Variants in PCDHA4 observed in about 807,000 individuals in gnomAD.
PCDHA4 encodes protocadherin alpha-4.
A neutral mutation model predicts 61.4 loss-of-function variants in PCDHA4; 49 were observed. The observed-to-expected ratio is 0.80, with a 90% CI of 0.63 to 1.01. The LOEUF (loss-of-function observed/expected upper bound fraction) is 1.01, where lower values mean the gene tolerates loss of function less well. Ranked by LOEUF, PCDHA4 falls within the 50% of genes least tolerant of loss-of-function variation. The pLI is 0.00. For missense variants in PCDHA4, 1,254 were observed against 1,235.8 expected, an observed-to-expected ratio of 1.01 and a Z score of -0.22; for synonymous variants, 590 against 550.3, an observed-to-expected ratio of 1.07 and a Z score of -1.01.
chr5:140,987,789 G>T (rs1356794638), intron 3 of PCDHA4, among the ~76,000 whole-genome samples: 2 of 152,136 alleles, frequency 1.3e-5, no homozygotes, highest in African/African-American at 4.8e-5. Context: ...CTATAGAGAA[G>T]ATTTTTTTAA....
intron 3 of PCDHA4, among the ~76,000 whole-genome samples, chr5:140,993,375 C>T (rs1238667698): frequency 1.3e-5 from 2 of 151,770 alleles, no homozygotes; most frequent in Non-Finnish European, 2.9e-5. Flanking sequence ...ACCTCCCAGC[C>T]GGGTCCCTGA....
At chr5:140,858,451 T>C in intron 1 of PCDHA4, 1 of 1,531,552 alleles carries the variant, frequency 6.5e-7, no homozygotes, top group East Asian at 2.4e-5. Context: ...GTTATTACGT[T>C]TTCATTTTCC....
intron 1 of PCDHA4, chr5:140,866,113 T>C (rs1185424072): frequency 6.6e-6 from 1 of 152,196 alleles, no homozygotes; most frequent in African/African-American, 2.4e-5. Flanking sequence ...AAGAGTTGCC[T>C]TATAAGAACT....
At position 140,858,087 on chromosome 5, in the gene PCDHA4, G is replaced by C. The variant is rs782702941; in HGVS notation, c.2385+48515G>C. ...AGCCAGGCACCCAAGGCCTCGTCGC[G>C]GGCTTCAGTGGGCGTGGCGCCCGAG... On this transcript the variant is annotated intron_variant, in intron 1 of 3. Transcript: ENST00000530339. The C allele has an allele frequency of 3.8e-6, 6 of 1,597,710 alleles. 1 individual carries two copies. Among genetic ancestry groups the C allele is most frequent in the Non-Finnish European group, 5.1e-6 (6 of 1,167,710 alleles).
At chr5:140,851,005 T>C in intron 1 of PCDHA4, 1 of 1,432,862 alleles carries the variant, frequency 7.0e-7, no homozygotes, top group Non-Finnish European at 9.2e-7. Flanking sequence ...ATCCAGCAGA[T>C]TTTTTTTCTG....
intron 1 of PCDHA4, among the ~76,000 whole-genome samples, chr5:140,948,711 C>CT (rs1443735728): frequency 6.8e-6 from 1 of 147,398 alleles, no homozygotes; most frequent in African/African-American, 2.7e-5. Context: ...GTTCTATCCT[C>CT]TTTTTTATCA....
intron 1 of PCDHA4, chr5:140,883,896 C>G (rs199847007): frequency 6.2e-7 from 1 of 1,613,386 alleles, no homozygotes; most frequent in African/African-American, 1.3e-5. Context: ...TCTGGCGTGC[C>G]GCCTCTGGGC....
intron 1 of PCDHA4, among the ~76,000 whole-genome samples, chr5:140,905,031 T>G (rs2071545933): frequency 6.6e-6 from 1 of 152,228 alleles, no homozygotes. Flanking sequence ...GCAGAAGCTT[T>G]TTAGTTTAAT....
At chr5:140,822,549 A>G (rs1554128705) in intron 1 of PCDHA4, 3 of 1,613,866 alleles carry the variant, frequency 1.9e-6, no homozygotes, top group Non-Finnish European at 2.5e-6. Flanking sequence ...CAAGTGGGAC[A>G]TTAGTTATTA....
intron 1 of PCDHA4, among the ~76,000 whole-genome samples, chr5:140,887,165 C>T (rs1451761224): frequency 1.3e-5 from 2 of 151,306 alleles, no homozygotes; most frequent in Non-Finnish European, 2.9e-5. Flanking sequence ...GGCGTGATCT[C>T]GGCTCACTGC....
intron 1 of PCDHA4, chr5:140,927,894 C>A (rs372774238): frequency 1.2e-6 from 2 of 1,614,208 alleles, no homozygotes; most frequent in East Asian, 2.2e-5. Context: ...CTGACGTGAA[C>A]GATCATGCCC....
rs2150128727 is a variant in PCDHA4, at chr5:140,823,745, C to G, written c.2385+14173C>G. On this transcript the variant is annotated intron_variant, in intron 1 of 3. Transcript: ENST00000530339. ...CTGGTGAAGGACCATGGAGAGCCCC[C>G]GCTGACAGCCACAGCCACAGTGCTG... 125 of 1,613,836 alleles carry G rather than the reference C, an allele frequency of 7.7e-5. No homozygotes were observed. In the South Asian group the frequency reaches 1.3e-3, roughly 17 times the overall value.
At chr5:140,828,383 C>A in intron 1 of PCDHA4, 1 of 1,614,256 alleles carries the variant, frequency 6.2e-7, no homozygotes, top group South Asian at 1.1e-5. Context: ...GCTGTGCGGG[C>A]GGAGCGCGGA....
chr5:140,820,224 A>G lies in PCDHA4; in HGVS notation c.2385+10652A>G, dbSNP rs148146018. The stretch of plus-strand genomic sequence containing the variant: ...ACGATCCAAATATTAGTGAAAAGTC[A>G]TGATAATAGAGATAGTAAAAATCTT... On this transcript the variant is annotated intron_variant, in intron 1 of 3. Coordinates refer to ENST00000530339, the MANE Select transcript of PCDHA4 (RefSeq NM_018907.4). 1.9e-3 allele frequency among the ~76,000 whole-genome samples: 290 copies of G among 152,128 alleles called. 1 individual carries two copies. The highest frequency in any genetic ancestry group is 6.5e-3 in the African/African-American group (271 of 41,580).
At chr5:140,923,376 A>T (rs1331786466) in intron 1 of PCDHA4, among the ~76,000 whole-genome samples, 5 of 152,086 alleles carry the variant, frequency 3.3e-5, no homozygotes, top group Non-Finnish European at 7.3e-5. Flanking sequence ...ATATTTTTAA[A>T]AATTAGTTGG....
chr5:140,857,826 T>G, intron 1 of PCDHA4: 1 of 1,597,464 alleles, frequency 6.3e-7, no homozygotes, highest in Non-Finnish European at 8.6e-7. Context: ...GTGGCTAAGG[T>G]GCGCGCAGTG....
intron 1 of PCDHA4, chr5:140,852,646 A>G (rs1554146012): frequency 1.0e-6 from 1 of 958,708 alleles, no homozygotes; most frequent in Admixed American, 6.4e-5. Context: ...CATTAAACCT[A>G]TCTATATCTG....
intron 1 of PCDHA4, chr5:140,824,550 C>G (rs1768160543): frequency 1.1e-5 from 2 of 175,504 alleles, no homozygotes; most frequent in Non-Finnish European, 2.4e-5. Context: ...CTCCTGGGCT[C>G]AAGTGATCCT....
rs781945067 is a variant in PCDHA4, at chr5:140,809,603, T to C, written c.2385+31T>C. ...TGTATAACATCCTTTTGTTTAATTT[T>C]CGTATTGTTTTTCTCTATCAACTTC... On this transcript the variant is annotated intron_variant, in intron 1 of 3. Coordinates refer to ENST00000530339, the MANE Select transcript of PCDHA4 (RefSeq NM_018907.4). The C allele has an allele frequency of 4.1e-5, 63 of 1,528,056 alleles. 1 individual carries two copies. In the Admixed American group the frequency reaches 1.3e-3, roughly 32 times the overall value. 94.7% of individuals were successfully genotyped at this position (1,528,056 alleles called of 1,614,324 possible).
Sources: allele counts gnomAD v4.1 joint callset (sites outside exome capture counted in the v4.1 genomes callset), GRCh38; gene constraint gnomAD v4.1.1; transcripts MANE v1.5; gene names NCBI Gene and HGNC (gene_info 2026-07-23, HGNC 2026-07-21).